Variants in HSPA4 observed in about 807,000 individuals in gnomAD.
HSPA4 encodes heat shock protein family A (Hsp70) member 4, also known as heat shock 70 kDa protein 4.
A neutral mutation model predicts 106.2 loss-of-function variants in HSPA4; 25 were observed. That is an observed-to-expected ratio of 0.24 (90% CI 0.17 to 0.33). The LOEUF is 0.33. Ranked by LOEUF, HSPA4 falls within the 10% of genes least tolerant of loss-of-function variation. The pLI, the probability that HSPA4 is intolerant of heterozygous loss-of-function variation, is 1.00. For missense variants in HSPA4, 841 were observed against 996.0 expected, an observed-to-expected ratio of 0.84 and a Z score of 2.10; for synonymous variants, 332 against 333.6, an observed-to-expected ratio of 1.00 and a Z score of 0.05.
At position 133,061,743 on chromosome 5, in the gene HSPA4, C is replaced by T. The variant is rs573004362; in HGVS notation, c.108-3237C>T. 3.9e-5 allele frequency among the ~76,000 whole-genome samples: 6 copies of T among 152,208 alleles called. No individual in the cohort carries two copies. In the East Asian group the frequency reaches 1.2e-3, roughly 29 times the overall value. ...CAAGCGATTCTGGTGCCTCAGCCTC[C>T]CGAGTAGCTGGGACTACAGGCGTGT... On this transcript the variant is annotated intron_variant, in intron 1 of 18. Coordinates refer to ENST00000304858, the MANE Select transcript of HSPA4 (RefSeq NM_002154.4).
intron 8 of HSPA4, among the ~76,000 whole-genome samples, chr5:133,087,207 A>G (rs915424784): frequency 1.1e-4 from 16 of 152,266 alleles, no homozygotes; most frequent in African/African-American, 3.6e-4. Context: ...TGAGAGCTAC[A>G]GCAAAGTGGG....
intron 15 of HSPA4, among the ~76,000 whole-genome samples, chr5:133,098,373 G>A (rs561826396): frequency 2.0e-5 from 3 of 151,984 alleles, no homozygotes; most frequent in South Asian, 2.1e-4. Context: ...GTGCGGTGAC[G>A]CGATCTTGGC....
intron 17 of HSPA4, 64 bp downstream of exon 17, chr5:133,101,942 T>C (rs1453958829): frequency 4.3e-5 from 49 of 1,148,084 alleles, no homozygotes; most frequent in Non-Finnish European, 5.8e-5. Context: ...TTTTTTTTTT[T>C]TTGAGACGGA....
rs568082722 is a variant in HSPA4 at position 133,091,892 on chromosome 5, C to A, written c.1560+518C>A. The stretch of plus-strand genomic sequence containing the variant: ...AAGTTAAAAACAACAACAACAACAA[C>A]AAAAAAACTAGCCAGGTGTGGTGGC... On this transcript the variant is annotated intron_variant, in intron 12 of 18. Coordinates refer to ENST00000304858, the MANE Select transcript of HSPA4 (RefSeq NM_002154.4). Among the ~76,000 whole-genome samples the A allele has an allele frequency of 4.7e-3, 713 of 151,228 alleles. 4 individuals are homozygous for A. The highest frequency in any genetic ancestry group is 6.0e-3 in the Non-Finnish European group (409 of 67,964).
chr5:133,067,923 C>T (rs1464080544), intron 3 of HSPA4, among the ~76,000 whole-genome samples: 2 of 147,592 alleles, frequency 1.4e-5, no homozygotes, highest in Admixed American at 6.8e-5. Flanking sequence ...GATGGACTCT[C>T]GCCTTGTCAC....
Position 133,067,420 on chromosome 5 carries a change from A to G in HSPA4, c.169A>G (p.Ile57Val). ...TCTTTGATATTCTTTCTCTTAGGTA[A>G]TTTCTAATGCAAAGAACACAGTCCA... ...SIGAAAKSQV[I>V]SNAKNTVQGF... The change falls in exon 3 of 19, where the codon ATT (isoleucine) becomes GTT (valine). Residue 57 changes from isoleucine to valine, a missense_variant. By Grantham distance (29) the Ile-to-Val change is conservative. Around this residue, in one of 5 missense-constraint regions of HSPA4, gnomAD observed 347 missense variants for 408.7 expected, o/e 0.85. Coordinates refer to ENST00000304858, the MANE Select transcript of HSPA4 (RefSeq NM_002154.4). The G allele has an allele frequency of 6.2e-7, 1 of 1,607,948 alleles. No homozygotes were observed. Among genetic ancestry groups the G allele is most frequent in the African/African-American group, 1.3e-5 (1 of 74,788 alleles).
intron 7 of HSPA4, among the ~76,000 whole-genome samples, chr5:133,078,807 C>T (rs1229614680): frequency 1.3e-5 from 2 of 152,038 alleles, no homozygotes; most frequent in Non-Finnish European, 2.9e-5. Context: ...GATCTTGGCT[C>T]ACTGCACCCT....
rs1765709011 is a variant in HSPA4, at chr5:133,096,168, C to T, written c.1721C>T (p.Thr574Ile). The T allele has an allele frequency of 6.2e-7, 1 of 1,613,794 alleles. No homozygotes were observed. The highest frequency in any genetic ancestry group is 8.5e-7 in the Non-Finnish European group (1 of 1,179,852). Residue 574 changes from threonine to isoleucine, a missense_variant, in exon 14 of 19, where the codon ACC becomes ATC. By Grantham distance (89) the Thr-to-Ile change is moderately conservative. Around this residue, in one of 5 missense-constraint regions of HSPA4, gnomAD observed 328 missense variants for 372.2 expected, o/e 0.88. Coordinates refer to ENST00000304858, the MANE Select transcript of HSPA4 (RefSeq NM_002154.4). ...PPQAKKAKVK[T>I]STVDLPIENQ... ...CAAGCCAAGAAGGCAAAAGTGAAGACCAGTACTGTGGACCTGCCAATCGAG... is the reference window on the plus strand; with the variant it reads ...CAAGCCAAGAAGGCAAAAGTGAAGATCAGTACTGTGGACCTGCCAATCGAG...
intron 17 of HSPA4, among the ~76,000 whole-genome samples, chr5:133,103,367 T>G: frequency 6.7e-6 from 1 of 149,798 alleles, no homozygotes; most frequent in East Asian, 2.0e-4. Context: ...CGAAAGGCCT[T>G]CTTCTTCTTT....
chr5:133,053,484 C>A (rs541195660), intron 1 of HSPA4, among the ~76,000 whole-genome samples: 2 of 151,350 alleles, frequency 1.3e-5, no homozygotes, highest in South Asian at 4.2e-4. Context: ...GAGTAGCTGG[C>A]GTTGCAGGCG....
At chr5:133,081,357 T>C (rs1246858003) in intron 7 of HSPA4, among the ~76,000 whole-genome samples, 1 of 152,336 alleles carries the variant, frequency 6.6e-6, no homozygotes, top group Non-Finnish European at 1.5e-5. Flanking sequence ...TTGTGAAATA[T>C]TTTAAAAATG....
At chr5:133,064,404 G>A (rs898944060) in intron 1 of HSPA4, among the ~76,000 whole-genome samples, 3 of 152,136 alleles carry the variant, frequency 2.0e-5, no homozygotes, top group Non-Finnish European at 2.9e-5. Context: ...TACTTGGGAG[G>A]CTGAGGCATG....
At chr5:133,096,900 T>A (rs975901410) in intron 14 of HSPA4, among the ~76,000 whole-genome samples, 2 of 152,188 alleles carry the variant, frequency 1.3e-5, no homozygotes, top group Non-Finnish European at 2.9e-5. Flanking sequence ...TTTAAATTTC[T>A]CTTGTCTTAA....
At chr5:133,102,025 T>C in intron 17 of HSPA4, 147 bp downstream of exon 17, 1 of 524,736 alleles carries the variant, frequency 1.9e-6, no homozygotes, top group Non-Finnish European at 3.3e-6. Context: ...CTCCTGGGTT[T>C]AAGCAATTCT....
intron 3 of HSPA4, among the ~76,000 whole-genome samples, chr5:133,069,464 T>C (rs1470501292): frequency 2.0e-5 from 3 of 152,120 alleles, no homozygotes; most frequent in Non-Finnish European, 4.4e-5. Flanking sequence ...TTGGTCACGC[T>C]GGTCTTGAAC....
intron 7 of HSPA4, among the ~76,000 whole-genome samples, chr5:133,081,645 C>A (rs926636911): frequency 1.3e-5 from 2 of 152,110 alleles, no homozygotes; most frequent in Admixed American, 1.3e-4. Context: ...CAATTATATA[C>A]CCTTTTGTTT....
chr5:133,063,945 A>G (rs1253407318), intron 1 of HSPA4, among the ~76,000 whole-genome samples: 1 of 151,390 alleles, frequency 6.6e-6, no homozygotes, highest in Non-Finnish European at 1.5e-5. Context: ...TATTTTTAGT[A>G]GGGACAGGGT....
At position 133,101,657 on chromosome 5, in the gene HSPA4, T is replaced by C. The variant is rs139417340; in HGVS notation, c.2038-102T>C. On this transcript the variant is annotated intron_variant, in intron 16 of 18. Coordinates refer to ENST00000304858, the MANE Select transcript of HSPA4 (RefSeq NM_002154.4). ...GGAGAAATATATTTAACTTCTTATATATAGCACACGGAGATTAAATGTACT... is the reference window on the plus strand; with the variant it reads ...GGAGAAATATATTTAACTTCTTATACATAGCACACGGAGATTAAATGTACT... 5.5e-6 allele frequency: 6 copies of C among 1,086,276 alleles called. No individual in the cohort carries two copies. The African/African-American group carries it at 8.0e-5, about 15-fold the overall frequency. The allele number at this position is 1,086,276 out of a possible 1,614,324, so 67.3% of individuals were successfully genotyped here.
At chr5:133,070,293 C>A in intron 3 of HSPA4, 81 bp from the exon 4 acceptor site, 9 of 1,336,740 alleles carry the variant, frequency 6.7e-6, no homozygotes, top group Non-Finnish European at 9.3e-6. Flanking sequence ...TAATGGGAAG[C>A]ATTGTTCATT....
Sources: allele counts gnomAD v4.1 joint callset (sites outside exome capture counted in the v4.1 genomes callset), GRCh38; gene constraint gnomAD v4.1.1; regional missense constraint gnomAD v4.1.1; transcripts MANE v1.5; gene names NCBI Gene and HGNC (gene_info 2026-07-23, HGNC 2026-07-21).